The following ADAM10 variants were observed in gnomAD, a reference collection of about 807,000 sequenced individuals.
ADAM10 encodes the protein ADAM metallopeptidase domain 10.
A neutral mutation model predicts 90.1 loss-of-function variants in ADAM10; 17 were observed. The observed-to-expected ratio is 0.19, with a 90% CI of 0.13 to 0.28. The LOEUF (loss-of-function observed/expected upper bound fraction) is 0.28, where lower values mean the gene tolerates loss of function less well. Among genes scored for constraint, ADAM10 ranks in the 10% least tolerant of loss-of-function variants. The pLI is 1.00. For synonymous variants in ADAM10, 310 were observed against 298.6 expected, an observed-to-expected ratio of 1.04 and a Z score of -0.40; for missense variants, 610 against 914.3, an observed-to-expected ratio of 0.67 and a Z score of 4.29.
At chr15:58,628,269 T>C (rs1896002820) in intron 9 of ADAM10, among the ~76,000 whole-genome samples, 1 of 152,112 alleles carries the variant, frequency 6.6e-6, no homozygotes. Flanking sequence ...TTATGAATAG[T>C]TCAGAGAAGA....
chr15:58,710,668 T>C (rs1232820894), intron 2 of ADAM10, among the ~76,000 whole-genome samples: 1 of 152,074 alleles, frequency 6.6e-6, no homozygotes, highest in African/African-American at 2.4e-5. Context: ...TATTTTCCTT[T>C]GGGAATTTTT....
Position 58,679,221 on chromosome 15 carries a change from C to A in ADAM10, c.387G>T (p.Gln129His), listed in dbSNP as rs1186000170. The A allele has an allele frequency of 1.2e-6, 2 of 1,613,954 alleles. No individual in the cohort carries two copies. Among genetic ancestry groups the A allele is most frequent in the Non-Finnish European group, 1.7e-6 (2 of 1,180,010 alleles). Reference protein sequence around the residue: ...VIDGRFEGFIQTRGGTFYVEP... With the variant: ...VIDGRFEGFIHTRGGTFYVEP... ...CAACATAAAATGTGCCACCACGAGT[C>A]TGGATGAATCCTTCAAATCTTCCAT... is the stretch of plus-strand genomic sequence containing the variant. The change falls in exon 4 of 16, where the codon CAG becomes CAT. Residue 129 changes from glutamine (Q) to histidine (H), a missense_variant. Around this residue, in one of 4 missense-constraint regions of ADAM10, gnomAD observed 310 missense variants for 362.4 expected, o/e 0.86. Transcript: ENST00000260408.
chr15:58,722,067 C>T (rs140987206), intron 1 of ADAM10, among the ~76,000 whole-genome samples: 7,544 of 148,970 alleles, frequency 0.051, 642 homozygotes, highest in African/African-American at 0.17. Context: ...AGGCCGGGCA[C>T]GGTGGCTCAT....
At position 58,592,902 on chromosome 15, in the gene ADAM10, T is replaced by C. The variant is rs1894854255; in HGVS notation, c.*4645A>G. On this transcript the variant is annotated 3_prime_UTR_variant, in exon 16 of 16. Coordinates refer to ENST00000260408, the MANE Select transcript of ADAM10 (RefSeq NM_001110.4). ...ATTAATTTCATTATTAGGCTGAGGATTTTCCTAAGAATTGTTTAAAATTCT... is the reference window on the plus strand; with the variant it reads ...ATTAATTTCATTATTAGGCTGAGGACTTTCCTAAGAATTGTTTAAAATTCT... 6.6e-6 allele frequency: 1 copy of C among 150,850 alleles called. No homozygotes were observed. The highest frequency in any genetic ancestry group is 1.5e-5 in the Non-Finnish European group (1 of 67,762). The allele number at this position is 150,850 out of a possible 1,614,324, so 9.3% of individuals were successfully genotyped here.
At chr15:58,687,639 C>T (rs1897641619) in intron 2 of ADAM10, among the ~76,000 whole-genome samples, 1 of 143,238 alleles carries the variant, frequency 7.0e-6, no homozygotes, top group Non-Finnish European at 1.5e-5. Context: ...AACTATCTAA[C>T]AAACAAAACT....
At chr15:58,606,064 C>G (rs1269115786) in intron 14 of ADAM10, among the ~76,000 whole-genome samples, 1 of 152,090 alleles carries the variant, frequency 6.6e-6, no homozygotes, top group East Asian at 1.9e-4. Flanking sequence ...CCATATGATC[C>G]TTTCAATGAA....
intron 1 of ADAM10, among the ~76,000 whole-genome samples, chr15:58,731,384 C>T (rs1167228405): frequency 6.6e-6 from 1 of 151,844 alleles, no homozygotes; most frequent in Non-Finnish European, 1.5e-5. Context: ...TTTGGGGGGC[C>T]GAGGCGGGCA....
chr15:58,677,110 A>G (rs1897317396), intron 4 of ADAM10, among the ~76,000 whole-genome samples: 1 of 152,184 alleles, frequency 6.6e-6, no homozygotes, highest in Admixed American at 6.5e-5. Flanking sequence ...TTCACAAGTA[A>G]TTGTCTAAAT....
chr15:58,674,082 A>C (rs1416840620), intron 4 of ADAM10, among the ~76,000 whole-genome samples: 15 of 151,992 alleles, frequency 9.9e-5, no homozygotes, highest in African/African-American at 3.4e-4. Flanking sequence ...TTAGTATCCT[A>C]CATTTCTAAT....
intron 2 of ADAM10, chr15:58,691,711 CCTT>C (rs1897811353): frequency 6.1e-6 from 2 of 327,874 alleles, no homozygotes; most frequent in Admixed American, 4.7e-5. Flanking sequence ...TGAGACAGAG[CCTT>C]CTTCTGTCGC....
intron 2 of ADAM10, among the ~76,000 whole-genome samples, chr15:58,684,650 T>C (rs1358909419): frequency 6.6e-6 from 1 of 152,226 alleles, no homozygotes; most frequent in South Asian, 2.1e-4. Context: ...TAGGTGATCA[T>C]GAGTTGTATC....
intron 11 of ADAM10, among the ~76,000 whole-genome samples, chr15:58,619,570 A>G (rs1895719098): frequency 6.6e-6 from 1 of 152,222 alleles, no homozygotes; most frequent in Admixed American, 6.5e-5. Flanking sequence ...AAAATATCAC[A>G]TATACCTCAT....
intron 2 of ADAM10, among the ~76,000 whole-genome samples, chr15:58,704,772 C>T (rs748930398): frequency 6.6e-6 from 1 of 152,098 alleles, no homozygotes; most frequent in Non-Finnish European, 1.5e-5. Flanking sequence ...TGCATCTTAC[C>T]CTCAGAGTAA....
At chr15:58,642,296 T>C (rs1408408117) in intron 7 of ADAM10, among the ~76,000 whole-genome samples, 4 of 152,026 alleles carry the variant, frequency 2.6e-5, no homozygotes, top group African/African-American at 9.7e-5. Flanking sequence ...TGAAACCCTG[T>C]ATCTACAAAA....
At position 58,590,579 on chromosome 15, in the gene ADAM10, CTTAA is replaced by C. The variant is rs1894804388; in HGVS notation, c.*6964_*6967del. 2.6e-5 allele frequency: 4 copies of C among 152,252 alleles called. No homozygotes were observed. Among genetic ancestry groups the C allele is most frequent in the Admixed American group, 6.5e-5 (1 of 15,286 alleles). The allele number at this position is 152,252 out of a possible 1,614,324, so 9.4% of individuals were successfully genotyped here. A position where few individuals can be genotyped will look rare whatever the true frequency, so the allele number is the denominator to read the frequency against. Reference sequence around the variant, plus strand: ...GGAAAATGGTTAACAGGTCACTTCACTTAATTACAGATGCTACTAGCAGATACTT... The same window carrying C: ...GGAAAATGGTTAACAGGTCACTTCACTTACAGATGCTACTAGCAGATACTT... On this transcript the variant is annotated 3_prime_UTR_variant, in exon 16 of 16. Transcript: ENST00000260408.
intron 5 of ADAM10, among the ~76,000 whole-genome samples, chr15:58,648,202 T>C (rs1896602545): frequency 6.6e-6 from 1 of 152,202 alleles, no homozygotes. Context: ...AAACTTATTT[T>C]TAAAACAATT....
chr15:58,713,432 G>A (rs1439537765), intron 2 of ADAM10, among the ~76,000 whole-genome samples: 1 of 152,098 alleles, frequency 6.6e-6, no homozygotes, highest in Non-Finnish European at 1.5e-5. Context: ...TAACTAAAAT[G>A]ACCATCATCG....
intron 2 of ADAM10, among the ~76,000 whole-genome samples, chr15:58,715,089 T>G (rs1270166934): frequency 6.6e-6 from 1 of 152,044 alleles, no homozygotes; most frequent in Non-Finnish European, 1.5e-5. Flanking sequence ...GAAAATACAG[T>G]AAGTTTGTAT....
In ADAM10 at chr15:58,620,175, T is replaced by C. The variant is rs182844495; in HGVS notation, c.1511+1296A>G. Among the ~76,000 whole-genome samples, 16 of 152,164 alleles carry C rather than the reference T, an allele frequency of 1.1e-4. No individual in the cohort carries two copies. In the East Asian group the frequency reaches 2.1e-3, roughly 20 times the overall value. On this transcript the variant is annotated intron_variant, in intron 11 of 15. Transcript: ENST00000260408. The stretch of plus-strand genomic sequence containing the variant: ...ATATACAGACCAGCCGTTTAAAACA[T>C]ATTGAACTGGCCGGGTGCGGTGGCT...
Sources: gnomAD v4.1 joint callset for allele counts (sites outside exome capture counted in the v4.1 genomes callset) on GRCh38, gnomAD v4.1.1 for gene constraint, gnomAD v4.1.1 regional missense constraint, MANE v1.5 for transcripts, NCBI Gene and HGNC (gene_info 2026-07-23, HGNC 2026-07-21) for gene names.